The following NOTCH2 variants were observed in gnomAD, a reference collection of about 807,000 sequenced individuals.
NOTCH2 encodes the protein neurogenic locus notch homolog protein 2.
A neutral mutation model predicts 235.8 loss-of-function variants in NOTCH2; 29 were observed. The observed-to-expected ratio is 0.12, with a 90% CI of 0.09 to 0.17. The LOEUF (loss-of-function observed/expected upper bound fraction) is 0.17, where lower values mean the gene tolerates loss of function less well. Among genes scored for constraint, NOTCH2 ranks in the 10% least tolerant of loss-of-function variants. The pLI is 1.00. For missense variants in NOTCH2, 2,285 were observed against 3,150.2 expected (o/e 0.73, Z 6.57); for synonymous variants, 1,086 against 1,141.5 (o/e 0.95, Z 0.98).
intron 3 of NOTCH2, among the ~76,000 whole-genome samples, chr1:120,002,477 G>A (rs1313280339): frequency 6.6e-6 from 1 of 151,942 alleles, no homozygotes; most frequent in Non-Finnish European, 1.5e-5. Context: ...AATCCAGGCG[G>A]AACTACAAAT....
intron 12 of NOTCH2, among the ~76,000 whole-genome samples, chr1:119,957,881 C>T (rs1230752055): frequency 7.6e-5 from 11 of 144,420 alleles, no homozygotes; most frequent in African/African-American, 3.0e-4. Context: ...CACACACACA[C>T]ACAACAGGCC....
chr1:119,949,501 C>T (rs1353578092), intron 15 of NOTCH2, among the ~76,000 whole-genome samples: 1 of 151,702 alleles, frequency 6.6e-6, no homozygotes, highest in Non-Finnish European at 1.5e-5. Flanking sequence ...ATTCTCCTGC[C>T]TCCGCCTCCC....
chr1:119,940,846 A>G, intron 18 of NOTCH2, 90 bp from the exon 19 acceptor site: 1 of 1,184,058 alleles, frequency 8.4e-7, no homozygotes, highest in Non-Finnish European at 1.2e-6. Context: ...AAGATCATAC[A>G]GAGGCAAATA....
At chr1:119,975,153 A>C (rs1160538629) in intron 5 of NOTCH2, among the ~76,000 whole-genome samples, 1 of 152,214 alleles carries the variant, frequency 6.6e-6, no homozygotes, top group Admixed American at 6.5e-5. Context: ...CAAAATAAAG[A>C]AGGCCAATCT....
intron 23 of NOTCH2, among the ~76,000 whole-genome samples, chr1:119,928,268 A>G (rs1649539031): frequency 6.6e-6 from 1 of 152,192 alleles, no homozygotes; most frequent in South Asian, 2.1e-4. Flanking sequence ...AACATGGCCA[A>G]GCCTTTACTG....
chr1:120,041,072 A>T (rs1347392029), intron 1 of NOTCH2, among the ~76,000 whole-genome samples: 16 of 90,322 alleles, frequency 1.8e-4, no homozygotes, highest in Middle Eastern at 4.5e-3. Context: ...AAAAAAAAAA[A>T]TATATATATA....
chr1:119,924,825 T>C (rs937162645), intron 25 of NOTCH2, among the ~76,000 whole-genome samples: 2 of 152,228 alleles, frequency 1.3e-5, no homozygotes, highest in African/African-American at 4.8e-5. Context: ...AATGGCTAGT[T>C]AATAGGAAAG....
At chr1:120,000,499 C>T (rs1553205143) in intron 3 of NOTCH2, among the ~76,000 whole-genome samples, 2 of 139,766 alleles carry the variant, frequency 1.4e-5, no homozygotes, top group South Asian at 2.4e-4. Flanking sequence ...GTGCCCTGCA[C>T]TCCAGCCTGG....
chr1:120,010,844 A>G (rs1446294668), intron 2 of NOTCH2, among the ~76,000 whole-genome samples: 3 of 152,194 alleles, frequency 2.0e-5, no homozygotes, highest in Admixed American at 1.3e-4. Context: ...AGCATTATTC[A>G]TAATAGCTAA....
intron 21 of NOTCH2, among the ~76,000 whole-genome samples, chr1:119,936,708 G>A (rs1278262083): frequency 6.6e-6 from 1 of 152,214 alleles, no homozygotes; most frequent in Non-Finnish European, 1.5e-5. Context: ...TCAAATTAAT[G>A]TCTCAGGCAT....
chr1:119,980,624 T>C (rs1259459798), intron 5 of NOTCH2, among the ~76,000 whole-genome samples: 1 of 152,236 alleles, frequency 6.6e-6, no homozygotes, highest in Admixed American at 6.5e-5. Context: ...AATATTCTAA[T>C]GAATATTTTG....
chr1:119,932,368 G>C (rs1394091830), intron 22 of NOTCH2, among the ~76,000 whole-genome samples: 2 of 152,064 alleles, frequency 1.3e-5, no homozygotes, highest in Non-Finnish European at 2.9e-5. Context: ...CGGGTGGATT[G>C]CTTGAGGCCA....
intron 12 of NOTCH2, among the ~76,000 whole-genome samples, chr1:119,957,876 ACACACAC>A (rs1193814684): frequency 9.3e-5 from 14 of 149,962 alleles, no homozygotes; most frequent in South Asian, 6.3e-4. Context: ...ACACACACAC[ACACACAC>A]AACAGGCCCC....
chr1:119,926,604 G>A lies in NOTCH2; in HGVS notation c.3900C>T (p.His1300=). 1 of 1,605,910 alleles carries A rather than the reference G, an allele frequency of 6.2e-7. No homozygotes were observed. Among genetic ancestry groups the A allele is most frequent in the Non-Finnish European group, 8.5e-7 (1 of 1,175,150 alleles). ...CVCRSAFTGR[H]CETFVDVCPQ... is the part of the protein sequence containing the mutation. ...GACACACATCGACGAAGGTTTCACA[G>A]TGCCGGCCTCAGAAAATAAAAAATA... Residue 1300 remains histidine, a synonymous_variant, in exon 24 of 34, where the codon CAC becomes CAT. Transcript: ENST00000256646.
intron 2 of NOTCH2, among the ~76,000 whole-genome samples, chr1:120,028,545 G>T (rs1375295000): frequency 6.9e-6 from 1 of 145,824 alleles, no homozygotes; most frequent in East Asian, 2.0e-4. Context: ...ACAACCTATT[G>T]TTAAGCTTTA....
chr1:119,953,078 G>A (rs782600121), intron 14 of NOTCH2, among the ~76,000 whole-genome samples: 14 of 152,136 alleles, frequency 9.2e-5, no homozygotes, highest in South Asian at 8.3e-4. Context: ...TTGAGAGGCC[G>A]AGGTGGGCAG....
chr1:120,004,432 T>G, intron 3 of NOTCH2, among the ~76,000 whole-genome samples: 2 of 136,108 alleles, frequency 1.5e-5, no homozygotes, highest in African/African-American at 2.8e-5. Flanking sequence ...AATGTCAGGG[T>G]TGGGTGGAGC....
intron 7 of NOTCH2, among the ~76,000 whole-genome samples, chr1:119,967,848 G>A (rs747981453): frequency 2.0e-5 from 3 of 152,142 alleles, no homozygotes; most frequent in Non-Finnish European, 4.4e-5. Context: ...CATTGAGGTA[G>A]GGCTTTATAT....
At chr1:119,939,456 G>A (rs1273653855) in intron 19 of NOTCH2, among the ~76,000 whole-genome samples, 1 of 152,222 alleles carries the variant, frequency 6.6e-6, no homozygotes, top group East Asian at 1.9e-4. Context: ...AATCCTGTGT[G>A]AGAAATCCAC....
Sources: allele counts gnomAD v4.1 joint callset (sites outside exome capture counted in the v4.1 genomes callset), GRCh38; gene constraint gnomAD v4.1.1; transcripts MANE v1.5; gene names NCBI Gene and HGNC (gene_info 2026-07-23, HGNC 2026-07-21).